Variants in NRG3 observed in about 807,000 individuals in gnomAD.
NRG3 encodes the protein pro-neuregulin-3, membrane-bound isoform.
In NRG3, 31 loss-of-function variants were observed where a neutral mutation model predicts 66.9. The ratio of observed to expected loss-of-function variants is 0.46; its 90% CI spans 0.35 to 0.63. NRG3 has a LOEUF of 0.63. NRG3 is among the 20% of genes least tolerant of loss of function. The probability of loss-of-function intolerance (pLI) is 0.00; values close to 1 mark genes in which losing one functional copy is unlikely to be tolerated. For missense variants in NRG3, 910 were observed against 878.9 expected (o/e 1.04, Z -0.45); for synonymous variants, 393 against 359.4 (o/e 1.09, Z -1.06).
At chr10:81,952,445 G>A (rs1849459137) in intron 1 of NRG3, among the ~76,000 whole-genome samples, 1 of 151,532 alleles carries the variant, frequency 6.6e-6, no homozygotes, top group East Asian at 1.9e-4. Context: ...AGGGGGGTGC[G>A]GAGAGAGAGA....
rs763631255 is a variant in NRG3 at position 82,369,133 on chromosome 10, A to G, written c.953+10265A>G. Among the ~76,000 whole-genome samples, 31 of 130,716 alleles carry G rather than the reference A, an allele frequency of 2.4e-4. 1 individual carries two copies. The highest frequency in any genetic ancestry group is 2.0e-3 in the South Asian group (9 of 4,596). The allele number at this position is 130,716 out of a possible 152,430, so 85.8% of individuals were successfully genotyped here. On this transcript the variant is annotated intron_variant, in intron 2 of 8. Transcript: ENST00000372141. ...TAAAAGATGGCTTAAGGGCCAAATC[A>G]CAATTTTTATGCGTAAACCAAAATG...
intron 2 of NRG3, among the ~76,000 whole-genome samples, chr10:82,621,312 CA>C (rs1433373119): frequency 6.6e-6 from 1 of 152,144 alleles, no homozygotes; most frequent in Admixed American, 6.5e-5. Context: ...TTCTCCTCAA[CA>C]AAACCCAGTA....
chr10:82,343,162 A>G (rs143740854), intron 1 of NRG3, among the ~76,000 whole-genome samples: 59 of 152,164 alleles, frequency 3.9e-4, no homozygotes, highest in Non-Finnish European at 4.7e-4. Flanking sequence ...ATAGACATAT[A>G]GATAAATGGT....
intron 1 of NRG3, among the ~76,000 whole-genome samples, chr10:82,047,234 C>T (rs2063343013): frequency 6.6e-6 from 1 of 151,866 alleles, no homozygotes; most frequent in Non-Finnish European, 1.5e-5. Context: ...TTGATTATTG[C>T]CACAATTTCA....
intron 2 of NRG3, among the ~76,000 whole-genome samples, chr10:82,609,344 G>A (rs1328957452): frequency 6.6e-6 from 1 of 152,138 alleles, no homozygotes; most frequent in East Asian, 1.9e-4. Context: ...GTTTTGATTA[G>A]CACTGATTTG....
intron 3 of NRG3, among the ~76,000 whole-genome samples, chr10:82,781,655 A>G (rs1248709272): frequency 2.0e-5 from 3 of 152,048 alleles, no homozygotes; most frequent in African/African-American, 4.8e-5. Flanking sequence ...TGTAGACCCT[A>G]ACACATCCCA....
chr10:82,357,686 A>G (rs1441938769), intron 1 of NRG3, among the ~76,000 whole-genome samples: 1 of 152,128 alleles, frequency 6.6e-6, no homozygotes, highest in Non-Finnish European at 1.5e-5. Context: ...TGATGACCTT[A>G]TCCATTCCTG....
chr10:81,928,415 A>T (rs1042420869), intron 1 of NRG3, among the ~76,000 whole-genome samples: 3 of 152,226 alleles, frequency 2.0e-5, no homozygotes, highest in Non-Finnish European at 2.9e-5. Flanking sequence ...GACCAACTAC[A>T]TTTGGGTCTT....
At chr10:82,877,537 C>CTTTTTTTTTTTT (rs61471998) in intron 4 of NRG3, among the ~76,000 whole-genome samples, 130 of 74,942 alleles carry the variant, frequency 1.7e-3, no homozygotes, top group Non-Finnish European at 2.3e-3. Context: ...CCACACCCGG[C>CTTTTTTTTTTTT]TTTTTTTTTT....
intron 1 of NRG3, among the ~76,000 whole-genome samples, chr10:82,213,280 A>G (rs1378903081): frequency 2.0e-5 from 3 of 152,224 alleles, no homozygotes; most frequent in Admixed American, 6.5e-5. Flanking sequence ...CTGAAAATCT[A>G]AATCTGAAAT....
intron 1 of NRG3, among the ~76,000 whole-genome samples, chr10:82,196,248 GT>G (rs2074441358): frequency 6.6e-6 from 1 of 152,170 alleles, no homozygotes; most frequent in African/African-American, 2.4e-5. Context: ...ATAGATGACA[GT>G]TTTTAAACAG....
chr10:82,390,534 C>T (rs375583500), intron 2 of NRG3, among the ~76,000 whole-genome samples: 1 of 152,110 alleles, frequency 6.6e-6, no homozygotes, highest in African/African-American at 2.4e-5. Context: ...GCCCGTGACA[C>T]TCATTGTTTA....
At chr10:82,223,610 T>C (rs2076035534) in intron 1 of NRG3, among the ~76,000 whole-genome samples, 1 of 150,184 alleles carries the variant, frequency 6.7e-6, no homozygotes, top group South Asian at 2.1e-4. Context: ...GCACTCAGAA[T>C]GCAGTGTAGT....
intron 4 of NRG3, among the ~76,000 whole-genome samples, chr10:82,924,970 C>T (rs1846835470): frequency 1.3e-5 from 2 of 152,164 alleles, no homozygotes; most frequent in Admixed American, 6.5e-5. Context: ...AAAAGCATGA[C>T]TTTTTGGAGT....
intron 1 of NRG3, among the ~76,000 whole-genome samples, chr10:82,100,919 T>G (rs2066691488): frequency 6.6e-6 from 1 of 152,052 alleles, no homozygotes; most frequent in Non-Finnish European, 1.5e-5. Context: ...TATGTGGAAT[T>G]GTTATCATTT....
At chr10:82,184,132 T>C (rs2073634760) in intron 1 of NRG3, among the ~76,000 whole-genome samples, 1 of 152,104 alleles carries the variant, frequency 6.6e-6, no homozygotes, top group Non-Finnish European at 1.5e-5. Context: ...CAGAGAACCT[T>C]ATAGGAAATA....
At chr10:82,952,471 CTGTGTGTG>C (rs60100337) in intron 5 of NRG3, among the ~76,000 whole-genome samples, 5,686 of 98,678 alleles carry the variant, frequency 0.058, 225 homozygotes, top group South Asian at 0.18. Flanking sequence ...CTCTCTCTCT[CTGTGTGTG>C]TGTGTGTGTG....
intron 1 of NRG3, among the ~76,000 whole-genome samples, chr10:81,931,725 C>T (rs1847368255): frequency 6.6e-6 from 1 of 152,214 alleles, no homozygotes; most frequent in African/African-American, 2.4e-5. Flanking sequence ...ATCGTTCCCC[C>T]TTTTCCCAAT....
At chr10:82,329,771 C>A (rs2082052211) in intron 1 of NRG3, among the ~76,000 whole-genome samples, 1 of 152,122 alleles carries the variant, frequency 6.6e-6, no homozygotes, top group Non-Finnish European at 1.5e-5. Context: ...CCTTCCAAAT[C>A]TTTTCTTATA....
Sources: gnomAD v4.1 joint callset for allele counts (sites outside exome capture counted in the v4.1 genomes callset) on GRCh38, gnomAD v4.1.1 for gene constraint, MANE v1.5 for transcripts, NCBI Gene and HGNC (gene_info 2026-07-23, HGNC 2026-07-21) for gene names.